Variants in PNPLA8 observed in about 807,000 individuals in gnomAD.
PNPLA8 encodes patatin like domain 8, phospholipase A2, also known as calcium-independent phospholipase A2-gamma.
In PNPLA8, 39 loss-of-function variants were observed where a neutral mutation model predicts 76.9. The ratio of observed to expected loss-of-function variants is 0.51; its 90% CI spans 0.39 to 0.66. PNPLA8 has a LOEUF of 0.66. Ranked by LOEUF, PNPLA8 falls within the 30% of genes least tolerant of loss-of-function variation. PNPLA8 has a pLI of 0.00. For synonymous variants in PNPLA8, 301 were observed against 307.9 expected (o/e 0.98, Z 0.24); for missense variants, 887 against 918.0 (o/e 0.97, Z 0.44).
chr7:108,490,615 C>T (rs1298888135), intron 8 of PNPLA8, among the ~76,000 whole-genome samples: 1 of 152,050 alleles, frequency 6.6e-6, no homozygotes, highest in Non-Finnish European at 1.5e-5. Context: ...AACCCTGTCT[C>T]TACTAAAAAA....
At chr7:108,491,853 A>G (rs1861191901) in intron 7 of PNPLA8, among the ~76,000 whole-genome samples, 1 of 152,224 alleles carries the variant, frequency 6.6e-6, no homozygotes. Flanking sequence ...GGTCCTGCCA[A>G]TAGGATAAAG....
At chr7:108,523,785 T>C (rs1284381677) in intron 1 of PNPLA8, among the ~76,000 whole-genome samples, 1 of 152,158 alleles carries the variant, frequency 6.6e-6, no homozygotes, top group African/African-American at 2.4e-5. Context: ...GACCACTTTC[T>C]GATGCTGGGG....
At chr7:108,505,764 T>A (rs1475223377) in intron 4 of PNPLA8, among the ~76,000 whole-genome samples, 1 of 152,112 alleles carries the variant, frequency 6.6e-6, no homozygotes, top group Non-Finnish European at 1.5e-5. Context: ...ATTAAGAATA[T>A]CTGTTCATCA....
chr7:108,510,699 G>C, intron 4 of PNPLA8: 20 of 1,599,916 alleles, frequency 1.3e-5, no homozygotes, highest in Non-Finnish European at 1.5e-5. Flanking sequence ...ATCTACAAGA[G>C]TGGTTATGGC....
intron 9 of PNPLA8, among the ~76,000 whole-genome samples, chr7:108,483,128 C>G (rs1360174584): frequency 6.6e-6 from 1 of 152,188 alleles, no homozygotes; most frequent in African/African-American, 2.4e-5. Context: ...AAATAATACT[C>G]TGGTTGGATC....
chr7:108,510,662 C>T, intron 4 of PNPLA8: 2 of 1,594,462 alleles, frequency 1.3e-6, no homozygotes, highest in Non-Finnish European at 1.7e-6. Flanking sequence ...ATGGGGGTAC[C>T]CCAATCTGAA....
At chr7:108,496,317 A>C (rs1458247110) in intron 7 of PNPLA8, 3 of 289,522 alleles carry the variant, frequency 1.0e-5, no homozygotes, top group Non-Finnish European at 1.3e-5. Flanking sequence ...AAACAACAGG[A>C]TGCAAGTATC....
At chr7:108,499,652 T>A (rs1563959647) in intron 5 of PNPLA8, among the ~76,000 whole-genome samples, 1 of 152,214 alleles carries the variant, frequency 6.6e-6, no homozygotes, top group Non-Finnish European at 1.5e-5. Context: ...AGTGCTCTAG[T>A]TGTGACAACT....
intron 4 of PNPLA8, among the ~76,000 whole-genome samples, chr7:108,504,023 A>G (rs963970368): frequency 6.6e-5 from 10 of 152,168 alleles, no homozygotes; most frequent in African/African-American, 1.4e-4. Flanking sequence ...TTAGGACCCA[A>G]TGAGATGGTG....
chr7:108,481,792 T>C (rs574781340), intron 9 of PNPLA8, among the ~76,000 whole-genome samples: 3 of 152,326 alleles, frequency 2.0e-5, no homozygotes, highest in African/African-American at 7.2e-5. Context: ...AAAAGTTTCA[T>C]AGTTTTGTTT....
At chr7:108,524,075 A>G (rs1221118135) in intron 1 of PNPLA8, among the ~76,000 whole-genome samples, 1 of 152,222 alleles carries the variant, frequency 6.6e-6, no homozygotes, top group African/African-American at 2.4e-5. Flanking sequence ...GGACATTCAA[A>G]TGGAAATGTA....
intron 9 of PNPLA8, among the ~76,000 whole-genome samples, chr7:108,486,147 C>A (rs1860721040): frequency 6.6e-6 from 1 of 152,008 alleles, no homozygotes; most frequent in Non-Finnish European, 1.5e-5. Flanking sequence ...GAACTACTTT[C>A]TTTTGGATAA....
intron 10 of PNPLA8, among the ~76,000 whole-genome samples, chr7:108,476,761 A>C (rs551531768): frequency 6.6e-6 from 1 of 152,314 alleles, no homozygotes; most frequent in East Asian, 1.9e-4. Flanking sequence ...TGAATGGATA[A>C]AGGAATTACA....
At chr7:108,518,756 TATACAC>T (rs1863533717) in intron 2 of PNPLA8, among the ~76,000 whole-genome samples, 2 of 126,086 alleles carry the variant, frequency 1.6e-5, no homozygotes, top group Admixed American at 8.0e-5. Flanking sequence ...TATATATATA[TATACAC>T]ACACACACAC....
chr7:108,510,508 C>A, intron 4 of PNPLA8: 1 of 1,379,740 alleles, frequency 7.2e-7, no homozygotes, highest in Non-Finnish European at 1.0e-6. Flanking sequence ...CATTTGTCAT[C>A]AGAATCAGAG....
chr7:108,527,720 C>T (rs528676674), upstream of PNPLA8: 3 of 152,166 alleles, frequency 2.0e-5, no homozygotes, highest in South Asian at 2.1e-4. Context: ...TTACAAGATT[C>T]TTGCTGAAGA....
At chr7:108,525,859 T>G (rs1261045036) in intron 1 of PNPLA8, among the ~76,000 whole-genome samples, 170 bp downstream of exon 1, 1 of 152,172 alleles carries the variant, frequency 6.6e-6, no homozygotes, top group African/African-American at 2.4e-5. Context: ...CTCCAGGACC[T>G]GCGGGCTCCT....
chr7:108,523,190 A>C (rs1290375476), intron 1 of PNPLA8, among the ~76,000 whole-genome samples: 2 of 152,200 alleles, frequency 1.3e-5, no homozygotes, highest in Non-Finnish European at 2.9e-5. Context: ...TAGAGGAATT[A>C]AGGGAATTGT....
intron 9 of PNPLA8, among the ~76,000 whole-genome samples, chr7:108,481,116 G>T (rs987481529): frequency 6.6e-6 from 1 of 152,174 alleles, no homozygotes; most frequent in South Asian, 2.1e-4. Context: ...ATCCACTGTA[G>T]GACCTCTGGG....
Sources: allele counts gnomAD v4.1 joint callset (sites outside exome capture counted in the v4.1 genomes callset), GRCh38; gene constraint gnomAD v4.1.1; transcripts MANE v1.5; gene names NCBI Gene and HGNC (gene_info 2026-07-23, HGNC 2026-07-21).